ARHGAP26: variants seen among roughly 807,000 people sequenced by gnomAD.
ARHGAP26 encodes rho GTPase-activating protein 26.
ARHGAP26 carries 38 observed loss-of-function variants against 104.8 expected under a neutral mutation model. The observed-to-expected ratio is 0.36, with a 90% CI of 0.28 to 0.48. The LOEUF (loss-of-function observed/expected upper bound fraction) is 0.48, where lower values mean the gene tolerates loss of function less well. Among genes scored for constraint, ARHGAP26 ranks in the 20% least tolerant of loss-of-function variants. The pLI is 0.99. For synonymous variants in ARHGAP26, 341 were observed against 340.0 expected, an observed-to-expected ratio of 1.00 and a Z score of -0.03; for missense variants, 704 against 947.9, an observed-to-expected ratio of 0.74 and a Z score of 3.38.
In ARHGAP26 at chr5:143,225,395, G is replaced by A. The variant is rs1276995544; in HGVS notation, c.*2949G>A. 5.3e-6 allele frequency: 1 copy of A among 187,166 alleles called. No homozygotes were observed. The highest frequency in any genetic ancestry group is 1.1e-5 in the Non-Finnish European group (1 of 88,762). The allele number at this position is 187,166 out of a possible 1,614,324, so 11.6% of individuals were successfully genotyped here. ...GTAAAGATGGGGTTTTGCCATGTTT[G>A]CCAGGCTGATCTCGAACTCCTGACC... On this transcript the variant is annotated 3_prime_UTR_variant, in exon 23 of 23. Transcript: ENST00000645722.
At chr5:142,794,117 A>G (rs1006588135) in intron 1 of ARHGAP26, among the ~76,000 whole-genome samples, 1 of 151,480 alleles carries the variant, frequency 6.6e-6, no homozygotes, top group South Asian at 2.1e-4. Context: ...TCTCAACTCC[A>G]CTCTTCTCTA....
chr5:143,106,936 C>T (rs1227724449), intron 17 of ARHGAP26, among the ~76,000 whole-genome samples: 1 of 152,194 alleles, frequency 6.6e-6, no homozygotes, highest in East Asian at 1.9e-4. Flanking sequence ...TCACAGGTCT[C>T]TTCCCTAGAG....
At chr5:142,942,267 T>C (rs1766470568) in intron 11 of ARHGAP26, among the ~76,000 whole-genome samples, 2 of 152,248 alleles carry the variant, frequency 1.3e-5, no homozygotes, top group South Asian at 4.1e-4. Flanking sequence ...TGGATACATT[T>C]GGCAATCAGG....
chr5:142,796,534 T>G (rs1190658434), intron 1 of ARHGAP26, among the ~76,000 whole-genome samples: 1 of 152,194 alleles, frequency 6.6e-6, no homozygotes, highest in East Asian at 1.9e-4. Flanking sequence ...GAATCAAGAG[T>G]TTCAGAAAAA....
chr5:142,903,869 C>T (rs770849812), intron 8 of ARHGAP26, among the ~76,000 whole-genome samples, 200 bp downstream of exon 8: 49 of 152,140 alleles, frequency 3.2e-4, no homozygotes, highest in Middle Eastern at 3.4e-3. Context: ...ATGGGAATTC[C>T]TTTGGGAACC....
chr5:143,103,160 A>G, intron 17 of ARHGAP26: 2 of 830,392 alleles, frequency 2.4e-6, no homozygotes, highest in Non-Finnish European at 2.9e-6. Context: ...CGTCTTCTTT[A>G]CCTGTTCTTT....
chr5:143,147,414 GGGCTTT>G, intron 20 of ARHGAP26, 33 bp downstream of exon 20: 14 of 1,599,012 alleles, frequency 8.8e-6, no homozygotes, highest in Non-Finnish European at 1.2e-5. Context: ...TACCCCACAA[GGGCTTT>G]GGTCAGCCAT....
Position 143,031,122 on chromosome 5 carries a change from A to G in ARHGAP26, c.1145-6074A>G, listed in dbSNP as rs17650511. On this transcript the variant is annotated intron_variant, in intron 12 of 22. Transcript: ENST00000645722. The stretch of plus-strand genomic sequence containing the variant: ...TCTGTGCTGGGGAGAAAGCATGGTT[A>G]GTTGAATGTTCTTGAAAGACAGCCA... 2.2e-3 allele frequency among the ~76,000 whole-genome samples: 334 copies of G among 152,350 alleles called. 6 individuals are homozygous for G. The East Asian group carries it at 0.044, about 20-fold the overall frequency.
intron 20 of ARHGAP26, among the ~76,000 whole-genome samples, chr5:143,152,280 C>T (rs1285832071): frequency 2.6e-5 from 4 of 152,100 alleles, no homozygotes; most frequent in African/African-American, 4.8e-5. Context: ...ACCAGTGTAT[C>T]GCGTTAATGC....
At chr5:142,938,870 C>A (rs531810898) in intron 11 of ARHGAP26, among the ~76,000 whole-genome samples, 1 of 152,302 alleles carries the variant, frequency 6.6e-6, no homozygotes, top group South Asian at 2.1e-4. Flanking sequence ...TAAAATATTT[C>A]TCCACTTTGA....
At chr5:143,199,715 G>T (rs1048887246) in intron 20 of ARHGAP26, among the ~76,000 whole-genome samples, 1 of 152,128 alleles carries the variant, frequency 6.6e-6, no homozygotes, top group African/African-American at 2.4e-5. Flanking sequence ...ATATCACTGG[G>T]GACCTGGACT....
intron 11 of ARHGAP26, among the ~76,000 whole-genome samples, chr5:142,960,902 C>G (rs1351789504): frequency 6.6e-6 from 1 of 152,136 alleles, no homozygotes; most frequent in Non-Finnish European, 1.5e-5. Context: ...TTGCCTCTTT[C>G]CATAGCTCAC....
At chr5:142,786,127 T>C (rs1189084000) in intron 1 of ARHGAP26, among the ~76,000 whole-genome samples, 2 of 151,324 alleles carry the variant, frequency 1.3e-5, no homozygotes, top group African/African-American at 4.9e-5. Context: ...TTTGCCACTA[T>C]GCCTGGCTAA....
intron 14 of ARHGAP26, among the ~76,000 whole-genome samples, chr5:143,051,488 A>C (rs1211273450): frequency 6.6e-6 from 1 of 152,242 alleles, no homozygotes; most frequent in Non-Finnish European, 1.5e-5. Context: ...GTTCTAAAGA[A>C]GAGTGTAAAT....
At chr5:143,047,324 A>G (rs1784372142) in intron 14 of ARHGAP26, among the ~76,000 whole-genome samples, 1 of 152,246 alleles carries the variant, frequency 6.6e-6, no homozygotes, top group African/African-American at 2.4e-5. Context: ...ACACTGGTCT[A>G]GTCATCTATT....
chr5:143,028,773 A>G (rs1210669148), intron 12 of ARHGAP26, among the ~76,000 whole-genome samples: 2 of 152,196 alleles, frequency 1.3e-5, no homozygotes, highest in Non-Finnish European at 2.9e-5. Flanking sequence ...TAGCTCATTC[A>G]GTTTCCACTA....
chr5:142,857,913 G>A (rs1207321571), intron 1 of ARHGAP26, among the ~76,000 whole-genome samples: 1 of 152,124 alleles, frequency 6.6e-6, no homozygotes, highest in African/African-American at 2.4e-5. Context: ...TTTTAAAAAG[G>A]CATACTTTCA....
At chr5:142,931,560 A>G (rs1034484187) in intron 10 of ARHGAP26, among the ~76,000 whole-genome samples, 16 of 152,212 alleles carry the variant, frequency 1.1e-4, no homozygotes, top group Non-Finnish European at 1.5e-5. Context: ...AAACTTCTCC[A>G]TGTCTGAAGC....
At chr5:142,957,076 T>G (rs545960038) in intron 11 of ARHGAP26, among the ~76,000 whole-genome samples, 202 of 152,324 alleles carry the variant, frequency 1.3e-3, no homozygotes, top group African/African-American at 4.7e-3. Flanking sequence ...AAGGAGGAGC[T>G]GGCATATTAG....
Sources: allele counts gnomAD v4.1 joint callset (sites outside exome capture counted in the v4.1 genomes callset), GRCh38; gene constraint gnomAD v4.1.1; transcripts MANE v1.5; gene names NCBI Gene and HGNC (gene_info 2026-07-23, HGNC 2026-07-21).